PTPRO: variants seen among roughly 807,000 people sequenced by gnomAD.
PTPRO encodes the protein protein tyrosine phosphatase receptor type O, also known as receptor-type tyrosine-protein phosphatase O.
A neutral mutation model predicts 145.2 loss-of-function variants in PTPRO; 62 were observed. That is an observed-to-expected ratio of 0.43 (90% CI 0.35 to 0.53). The LOEUF is 0.53. PTPRO is among the 20% of genes least tolerant of loss of function. The pLI is 0.01. For missense variants in PTPRO, 1,345 were observed against 1,482.7 expected (o/e 0.91, Z 1.53); for synonymous variants, 565 against 514.7 (o/e 1.10, Z -1.32).
At chr12:15,499,281 G>A (rs769602322) in intron 3 of PTPRO, among the ~76,000 whole-genome samples, 161 bp from the exon 4 acceptor site, 31 of 152,198 alleles carry the variant, frequency 2.0e-4, no homozygotes, top group Non-Finnish European at 3.4e-4. Context: ...GACATTCAAC[G>A]TTTCATCTCT....
intron 1 of PTPRO, among the ~76,000 whole-genome samples, chr12:15,396,185 T>TGAAGATGTG (rs1939333507): frequency 6.6e-6 from 1 of 152,156 alleles, no homozygotes; most frequent in South Asian, 2.1e-4. Flanking sequence ...ATGTGTGTTG[T>TGAAGATGTG]GAAGATGTGT....
intron 2 of PTPRO, among the ~76,000 whole-genome samples, chr12:15,486,436 A>G (rs1199339823): frequency 6.6e-6 from 1 of 152,122 alleles, no homozygotes; most frequent in African/African-American, 2.4e-5. Flanking sequence ...TTACGTGTAA[A>G]AGGGTTTCCT....
chr12:15,361,438 C>CAAAAAAAAAAAAAAAAAAAAGAAAA (rs1938207286), intron 1 of PTPRO, among the ~76,000 whole-genome samples: 1 of 71,300 alleles, frequency 1.4e-5, no homozygotes, highest in Non-Finnish European at 2.7e-5. Flanking sequence ...GACTCAGTCT[C>CAAAAAAAAAAAAAAAAAAAAGAAAA]AAAAAAAAAA....
At chr12:15,578,248 T>C (rs1168875602) in intron 19 of PTPRO, among the ~76,000 whole-genome samples, 2 of 152,314 alleles carry the variant, frequency 1.3e-5, no homozygotes, top group African/African-American at 2.4e-5. Context: ...CTTCAGAGAA[T>C]AGGAAATATT....
intron 1 of PTPRO, among the ~76,000 whole-genome samples, chr12:15,454,338 T>A (rs946130473): frequency 6.6e-5 from 10 of 152,190 alleles, no homozygotes. Context: ...TTCCATAAGG[T>A]TTTTTGGCCA....
At chr12:15,567,635 A>G (rs1591747203) in intron 18 of PTPRO, among the ~76,000 whole-genome samples, 1 of 152,086 alleles carries the variant, frequency 6.6e-6, no homozygotes, top group Non-Finnish European at 1.5e-5. Flanking sequence ...GTTAAATCCA[A>G]CTTTAAGGTC....
At chr12:15,544,694 C>T (rs943406804) in intron 12 of PTPRO, among the ~76,000 whole-genome samples, 1 of 152,200 alleles carries the variant, frequency 6.6e-6, no homozygotes, top group African/African-American at 2.4e-5. Context: ...CCCCAAACAA[C>T]TTCACACTTG....
intron 16 of PTPRO, among the ~76,000 whole-genome samples, chr12:15,558,902 T>C (rs1943705879): frequency 6.6e-6 from 1 of 152,216 alleles, no homozygotes; most frequent in South Asian, 2.1e-4. Flanking sequence ...ATTTTGCTAT[T>C]AAAAAACAAC....
At chr12:15,439,935 G>T (rs1940712580) in intron 1 of PTPRO, 9 of 677,724 alleles carry the variant, frequency 1.3e-5, no homozygotes, top group Non-Finnish European at 2.4e-5. Flanking sequence ...GGCCACATCG[G>T]TCTGGGTGTT....
At chr12:15,478,615 C>A (rs1247786674) in intron 1 of PTPRO, among the ~76,000 whole-genome samples, 1 of 152,094 alleles carries the variant, frequency 6.6e-6, no homozygotes, top group Non-Finnish European at 1.5e-5. Flanking sequence ...AGAAAAGGGC[C>A]AACAGGCACA....
At chr12:15,448,359 A>AAAAAAAAAAAAAAAAAAAACAAAAC in intron 1 of PTPRO, among the ~76,000 whole-genome samples, 1 of 149,912 alleles carries the variant, frequency 6.7e-6, no homozygotes. Context: ...AAAAAAAAAA[A>AAAAAAAAAAAAAAAAAAAACAAAAC]AGCACCGATT....
chr12:15,516,068 G>A (rs1302472948), intron 8 of PTPRO, among the ~76,000 whole-genome samples: 1 of 135,476 alleles, frequency 7.4e-6, no homozygotes, highest in African/African-American at 2.8e-5. Context: ...TCAGTTCCCT[G>A]CAACTTCTGC....
Position 15,557,566 on chromosome 12 carries a change from G to A in PTPRO, c.2627+43G>A, listed in dbSNP as rs374916313. On this transcript the variant is annotated intron_variant, in intron 16 of 26. Transcript: ENST00000281171. ...ACAAGCTTCTACATAGTTTAACTAT[G>A]CTGTGTGTGCTCCAAAGTCGATTTT... is the stretch of plus-strand genomic sequence containing the variant. 8 of 1,564,154 alleles carry A rather than the reference G, an allele frequency of 5.1e-6. No individual in the cohort carries two copies. The African/African-American group carries it at 6.8e-5, about 13-fold the overall frequency.
rs574037312 is a variant in PTPRO, at chr12:15,356,802, CTTTTT to C, written c.75+34002_75+34006del. On this transcript the variant is annotated intron_variant, in intron 1 of 26. Transcript: ENST00000281171. ...ATTGCTCAGAAATGTTATTCCTTTTCTTTTTATTTTTCTCCTCTATAACTATTTTT... is the reference window on the plus strand; with the variant it reads ...ATTGCTCAGAAATGTTATTCCTTTTCATTTTTCTCCTCTATAACTATTTTT... 4.0e-3 allele frequency among the ~76,000 whole-genome samples: 603 copies of C among 152,184 alleles called. 3 individuals are homozygous for C. The highest frequency in any genetic ancestry group is 5.8e-3 in the Non-Finnish European group (394 of 67,988).
At chr12:15,543,128 C>T (rs1247334754) in intron 12 of PTPRO, among the ~76,000 whole-genome samples, 1 of 152,172 alleles carries the variant, frequency 6.6e-6, no homozygotes, top group African/African-American at 2.4e-5. Context: ...TCACGAAGAT[C>T]CTGAACAGTC....
intron 25 of PTPRO, 39 bp downstream of exon 25, chr12:15,589,629 G>A (rs199541300): frequency 1.4e-5 from 22 of 1,611,212 alleles, no homozygotes; most frequent in East Asian, 1.1e-4. Flanking sequence ...AATTTTCCCT[G>A]GACTGAAAAA....
intron 1 of PTPRO, among the ~76,000 whole-genome samples, chr12:15,406,936 A>G (rs1939663704): frequency 2.6e-5 from 4 of 152,250 alleles, no homozygotes. Context: ...AAAGTAGCAT[A>G]GACTTAGCGA....
At chr12:15,427,868 T>C (rs1940326608) in intron 1 of PTPRO, among the ~76,000 whole-genome samples, 1 of 152,174 alleles carries the variant, frequency 6.6e-6, no homozygotes, top group Admixed American at 6.6e-5. Flanking sequence ...CCTCTAAGAC[T>C]GATCAACTTT....
In PTPRO at chr12:15,519,081, G is replaced by A. The variant is rs1443323636; in HGVS notation, c.1780-1120G>A. Among the ~76,000 whole-genome samples the A allele has an allele frequency of 2.6e-5, 4 of 152,290 alleles. No individual in the cohort carries two copies. The South Asian group carries it at 6.2e-4, about 24-fold the overall frequency. On this transcript the variant is annotated intron_variant, in intron 9 of 26. Transcript: ENST00000281171. Reference sequence around the variant, plus strand: ...GACTGGGCAATTTACAAAAGAAGGAGGTTTAATTGGGCTTACAGTTCCACG... The same window carrying A: ...GACTGGGCAATTTACAAAAGAAGGAAGTTTAATTGGGCTTACAGTTCCACG...
Sources: gnomAD v4.1 joint callset for allele counts (sites outside exome capture counted in the v4.1 genomes callset) on GRCh38, gnomAD v4.1.1 for gene constraint, MANE v1.5 for transcripts, NCBI Gene and HGNC (gene_info 2026-07-23, HGNC 2026-07-21) for gene names.